Variants in AR observed in about 807,000 individuals in gnomAD.
AR encodes androgen receptor.
A neutral mutation model predicts 53.9 loss-of-function variants in AR; 8 were observed. That is an observed-to-expected ratio of 0.15 (90% CI 0.09 to 0.27). AR has a LOEUF of 0.27. AR is among the 10% of genes least tolerant of loss of function. The pLI, the probability that AR is intolerant of heterozygous loss-of-function variation, is 1.00. For synonymous variants in AR, 359 were observed against 316.4 expected (o/e 1.13, Z -1.43); for missense variants, 639 against 742.5 (o/e 0.86, Z 1.62).
At chrX:67,594,519 A>G (rs1003466435) in intron 1 of AR, among the ~76,000 whole-genome samples, 3 of 112,435 alleles carry the variant, frequency 2.7e-5, no homozygotes, top group Non-Finnish European at 5.6e-5. Context: ...CTTTGTAATG[A>G]TAGCTGTTTT....
intron 2 of AR, among the ~76,000 whole-genome samples, chrX:67,651,204 CT>C (rs60224900): frequency 0.021 from 1,921 of 93,486 alleles, 47 homozygotes; most frequent in African/African-American, 0.067. Context: ...CCACACCCAG[CT>C]TTTTTTTTTT....
At chrX:67,688,602 C>T (rs1444384603) in intron 3 of AR, among the ~76,000 whole-genome samples, 1 of 111,332 alleles carries the variant, frequency 9.0e-6, no homozygotes, top group African/African-American at 3.3e-5. Context: ...TCTTGATTAC[C>T]TCAAACGAAA....
chrX:67,595,979 T>C (rs1389384334), intron 1 of AR, among the ~76,000 whole-genome samples: 2 of 110,800 alleles, frequency 1.8e-5, no homozygotes, highest in Non-Finnish European at 3.8e-5. Flanking sequence ...AGGGAGGTGA[T>C]TGGATCATGA....
chrX:67,596,240 C>CT (rs200611811), intron 1 of AR, among the ~76,000 whole-genome samples: 362 of 100,753 alleles, frequency 3.6e-3, no homozygotes, highest in African/African-American at 7.5e-3. Flanking sequence ...AATTAAACCT[C>CT]TTTTTTTTTT....
chrX:67,629,120 C>G (rs1184013599), intron 1 of AR, among the ~76,000 whole-genome samples: 1 of 110,784 alleles, frequency 9.0e-6, no homozygotes, highest in South Asian at 3.9e-4. Context: ...TGTCTCTGCC[C>G]GTCTTTGGTA....
intron 2 of AR, chrX:67,681,022 T>G (rs2075930385): frequency 5.3e-6 from 1 of 189,009 alleles, no homozygotes; most frequent in African/African-American, 3.0e-5. Context: ...GGGTTTAAGA[T>G]TTTTCTAATA....
In AR at chrX:67,566,773, G is replaced by A. The variant is rs143132806; in HGVS notation, c.1616+20011G>A. On this transcript the variant is annotated intron_variant, in intron 1 of 7. Transcript: ENST00000374690. The stretch of plus-strand genomic sequence containing the variant: ...TTGCTTTGAAAACCTGCCACTTAAG[G>A]CTCCTTCCAGTCATAGGTTAACTCT... Among the ~76,000 whole-genome samples, 4 of 111,311 alleles carry A rather than the reference G, an allele frequency of 3.6e-5. No homozygotes were observed. In the South Asian group the frequency reaches 1.1e-3, roughly 32 times the overall value.
chrX:67,641,221 C>G (rs750792142), intron 1 of AR, among the ~76,000 whole-genome samples: 1 of 111,869 alleles, frequency 8.9e-6, no homozygotes, highest in Non-Finnish European at 1.9e-5. Flanking sequence ...AACAAGTTTA[C>G]TTAATTGTTC....
In AR at chrX:67,725,383, G is replaced by A. The variant is rs2076153671; in HGVS notation, c.*1542G>A. Reference sequence around the variant, plus strand: ...GTCCCCCAGAGATGATACCCTCCCAGCAAGTGGAGAAGTTCTCACTTCCTT... The same window carrying A: ...GTCCCCCAGAGATGATACCCTCCCAACAAGTGGAGAAGTTCTCACTTCCTT... On this transcript the variant is annotated 3_prime_UTR_variant, in exon 8 of 8. Transcript: ENST00000374690. 5.7e-6 allele frequency: 1 copy of A among 174,165 alleles called. No individual in the cohort carries two copies. 14.4% of individuals were successfully genotyped at this position (174,165 alleles called of 1,213,427 possible).
chrX:67,627,631 T>G lies in AR; in HGVS notation c.1617-15625T>G, dbSNP rs1259532855. Among the ~76,000 whole-genome samples, 4 of 111,952 alleles carry G rather than the reference T, an allele frequency of 3.6e-5. No individual in the cohort carries two copies. In the East Asian group the frequency reaches 1.1e-3, roughly 31 times the overall value. ...CTTTTGCTGTGCAGAAGCTCTTTAG[T>G]TGAATTAGATCCCATTTGTCAATTT... On this transcript the variant is annotated intron_variant, in intron 1 of 7. Transcript: ENST00000374690.
chrX:67,627,593 C>A, intron 1 of AR, among the ~76,000 whole-genome samples: 1 of 111,077 alleles, frequency 9.0e-6, no homozygotes, highest in Non-Finnish European at 1.9e-5. Context: ...CCTGTTCAAT[C>A]TGATGGTAGT....
rs993183582 is a variant in AR, at chrX:67,593,629, C to T, written c.1616+46867C>T. Among the ~76,000 whole-genome samples, 38 of 111,965 alleles carry T rather than the reference C, an allele frequency of 3.4e-4. 1 individual carries two copies. Among genetic ancestry groups the T allele is most frequent in the South Asian group, 3.4e-3 (9 of 2,683 alleles). On this transcript the variant is annotated intron_variant, in intron 1 of 7. Coordinates refer to ENST00000374690, the MANE Select transcript of AR (RefSeq NM_000044.6). The stretch of plus-strand genomic sequence containing the variant: ...CCTCCCAAAGTGCTGGGATTACAGG[C>T]GTGTGCCAGTATGCCCAGCCAGTAA...
intron 1 of AR, among the ~76,000 whole-genome samples, chrX:67,641,049 T>A (rs1029795743): frequency 5.4e-5 from 6 of 111,662 alleles, no homozygotes; most frequent in African/African-American, 2.0e-4. Context: ...GCCTGGTCCA[T>A]AGGGCCAGAT....
rs2076172790 is a variant in AR, at chrX:67,729,877, A to G, written c.*6036A>G. On this transcript the variant is annotated 3_prime_UTR_variant, in exon 8 of 8. Coordinates refer to ENST00000374690, the MANE Select transcript of AR (RefSeq NM_000044.6). Reference sequence around the variant, plus strand: ...CAGATTTGCATTATCTCACAACCTTAGCCCTTGGTGCTAACTGTCCTACAG... The same window carrying G: ...CAGATTTGCATTATCTCACAACCTTGGCCCTTGGTGCTAACTGTCCTACAG... 1 of 173,870 alleles carries G rather than the reference A, an allele frequency of 5.8e-6. No individual in the cohort carries two copies. Among genetic ancestry groups the G allele is most frequent in the Non-Finnish European group, 1.1e-5 (1 of 90,781 alleles). The allele number at this position is 173,870 out of a possible 1,213,427, so 14.3% of individuals were successfully genotyped here.
At chrX:67,565,488 C>T (rs1243882639) in intron 1 of AR, among the ~76,000 whole-genome samples, 1 of 111,769 alleles carries the variant, frequency 8.9e-6, no homozygotes, top group Non-Finnish European at 1.9e-5. Context: ...ATGTTTGAGA[C>T]TAAGTTATTA....
At chrX:67,570,127 T>A (rs1378573117) in intron 1 of AR, among the ~76,000 whole-genome samples, 1 of 112,210 alleles carries the variant, frequency 8.9e-6, no homozygotes, top group African/African-American at 3.2e-5. Flanking sequence ...TGCAGTCAGT[T>A]GTGTTGGCTG....
At chrX:67,553,000 C>CT (rs940876643) in intron 1 of AR, among the ~76,000 whole-genome samples, 6 of 110,557 alleles carry the variant, frequency 5.4e-5, no homozygotes, top group South Asian at 3.8e-4. Flanking sequence ...TTTTACTTTC[C>CT]TTTTTTTTCT....
intron 3 of AR, among the ~76,000 whole-genome samples, chrX:67,692,466 C>G (rs1174091195): frequency 8.9e-6 from 1 of 112,134 alleles, no homozygotes; most frequent in Non-Finnish European, 1.9e-5. Flanking sequence ...CTTTGAAACT[C>G]TGGGGATTTT....
chrX:67,650,203 A>G (rs1926268595), intron 2 of AR, among the ~76,000 whole-genome samples: 1 of 112,212 alleles, frequency 8.9e-6, no homozygotes, highest in Non-Finnish European at 1.9e-5. Flanking sequence ...GAATTAGAAA[A>G]TACTACTTTA....
Sources: gnomAD v4.1 joint callset for allele counts (sites outside exome capture counted in the v4.1 genomes callset) on GRCh38, gnomAD v4.1.1 for gene constraint, MANE v1.5 for transcripts, NCBI Gene and HGNC (gene_info 2026-07-23, HGNC 2026-07-21) for gene names.